The following TDRD5 variants were observed in gnomAD, a reference collection of about 807,000 sequenced individuals.
TDRD5 encodes the protein tudor domain containing 5.
Under a neutral mutation model 120.6 loss-of-function variants are expected in TDRD5, and 41 were observed. The observed-to-expected ratio is 0.34, with a 90% CI of 0.26 to 0.44. The LOEUF (loss-of-function observed/expected upper bound fraction) is 0.44, where lower values mean the gene tolerates loss of function less well. Ranked by LOEUF, TDRD5 falls within the 20% of genes least tolerant of loss-of-function variation. TDRD5 has a pLI of 1.00. For missense variants in TDRD5, 1,006 were observed against 1,221.2 expected (o/e 0.82, Z 2.63); for synonymous variants, 430 against 433.7 (o/e 0.99, Z 0.11).
chr1:179,624,098 C>CTAA (rs1381203047), intron 6 of TDRD5, among the ~76,000 whole-genome samples: 5 of 152,098 alleles, frequency 3.3e-5, no homozygotes, highest in Admixed American at 6.6e-5. Context: ...AGGGGTTTAT[C>CTAA]CTAAGAATGC....
At chr1:179,609,645 G>A (rs901048206) in intron 4 of TDRD5, among the ~76,000 whole-genome samples, 12 of 152,300 alleles carry the variant, frequency 7.9e-5, no homozygotes, top group Admixed American at 7.2e-4. Flanking sequence ...GTCCAGAACA[G>A]CCTTCAATCT....
chr1:179,668,837 G>C (rs1679699343), intron 16 of TDRD5, among the ~76,000 whole-genome samples: 1 of 147,430 alleles, frequency 6.8e-6, no homozygotes, highest in African/African-American at 2.5e-5. Context: ...GCGCCTCCCA[G>C]GTTCACGCCA....
At chr1:179,616,510 A>G (rs1213281667) in intron 4 of TDRD5, among the ~76,000 whole-genome samples, 1 of 152,108 alleles carries the variant, frequency 6.6e-6, no homozygotes, top group Non-Finnish European at 1.5e-5. Flanking sequence ...CTGTTGCCAG[A>G]TTACAGTTCT....
At chr1:179,668,463 C>T (rs771437709) in intron 16 of TDRD5, among the ~76,000 whole-genome samples, 1 of 152,184 alleles carries the variant, frequency 6.6e-6, no homozygotes, top group Non-Finnish European at 1.5e-5. Context: ...TCTGTAAAAG[C>T]ATTATGCTAA....
chr1:179,603,522 TG>T (rs1383958692), intron 4 of TDRD5, among the ~76,000 whole-genome samples: 1 of 152,228 alleles, frequency 6.6e-6, no homozygotes, highest in African/African-American at 2.4e-5. Flanking sequence ...TTGTCATAGA[TG>T]GCTTTTATTA....
At chr1:179,594,705 G>A (rs1019703388) in intron 3 of TDRD5, among the ~76,000 whole-genome samples, 1 of 152,282 alleles carries the variant, frequency 6.6e-6, no homozygotes, top group African/African-American at 2.4e-5. Flanking sequence ...ATTAACATAG[G>A]TGAACCAAGA....
At chr1:179,637,714 G>A (rs1348265503) in intron 9 of TDRD5, among the ~76,000 whole-genome samples, 3 of 68,094 alleles carry the variant, frequency 4.4e-5, no homozygotes, top group Non-Finnish European at 1.1e-4. Context: ...GGCCCTGTCT[G>A]GGGGAAAAAA....
intron 11 of TDRD5, among the ~76,000 whole-genome samples, chr1:179,644,148 C>A (rs545505217): frequency 6.6e-6 from 1 of 152,198 alleles, no homozygotes; most frequent in East Asian, 1.9e-4. Context: ...ACAACAAATA[C>A]TGAAGGAAGT....
At chr1:179,685,116 C>T (rs1454286990) in intron 17 of TDRD5, among the ~76,000 whole-genome samples, 1 of 152,156 alleles carries the variant, frequency 6.6e-6, no homozygotes, top group African/African-American at 2.4e-5. Context: ...GAAGTCCTTG[C>T]CCATGCCTAT....
At chr1:179,643,812 G>A (rs4652430) in intron 11 of TDRD5, among the ~76,000 whole-genome samples, 25,817 of 152,004 alleles carry the variant, frequency 0.17, 2,840 homozygotes, top group Non-Finnish European at 0.24. Context: ...CCACAGTGTG[G>A]TGAAAGAGGT....
intron 2 of TDRD5, 53 bp from the exon 3 acceptor site, chr1:179,593,407 A>T: frequency 6.5e-7 from 1 of 1,549,854 alleles, no homozygotes; most frequent in Non-Finnish European, 8.8e-7. Flanking sequence ...ACTAAGGATA[A>T]AGAAGGGAGT....
intron 10 of TDRD5, 38 bp from the exon 11 acceptor site, chr1:179,640,341 A>G: frequency 6.2e-7 from 1 of 1,609,218 alleles, no homozygotes; most frequent in African/African-American, 1.3e-5. Context: ...TATATATAGC[A>G]GGAAGATTGA....
chr1:179,671,699 T>A (rs1424745683), intron 17 of TDRD5, among the ~76,000 whole-genome samples: 2 of 152,190 alleles, frequency 1.3e-5, no homozygotes, highest in South Asian at 4.1e-4. Context: ...CCTGAGTGTA[T>A]ACACTGTACC....
intron 17 of TDRD5, among the ~76,000 whole-genome samples, chr1:179,687,856 G>A (rs1250375956): frequency 6.8e-6 from 1 of 146,462 alleles, no homozygotes; most frequent in East Asian, 2.0e-4. Flanking sequence ...TCAGAGACTA[G>A]GATTGCAACC....
intron 4 of TDRD5, among the ~76,000 whole-genome samples, chr1:179,605,960 A>G (rs1675956502): frequency 6.6e-6 from 1 of 152,082 alleles, no homozygotes; most frequent in Admixed American, 6.6e-5. Context: ...AATACTAAGG[A>G]GTACAGTTGC....
At chr1:179,649,110 G>C (rs1439031451) in intron 11 of TDRD5, among the ~76,000 whole-genome samples, 1 of 152,094 alleles carries the variant, frequency 6.6e-6, no homozygotes, top group Admixed American at 6.5e-5. Context: ...TCCTTTGAAG[G>C]TAGTGTCCTT....
At chr1:179,681,945 T>C (rs551549209) in intron 17 of TDRD5, among the ~76,000 whole-genome samples, 83 of 1,428 alleles carry the variant, frequency 0.058, 3 homozygotes, top group Middle Eastern at 0.33. Flanking sequence ...TTTCTTTTTT[T>C]TTTTTTTTTT....
At chr1:179,620,276 A>G (rs911944518) in intron 5 of TDRD5, among the ~76,000 whole-genome samples, 2 of 152,178 alleles carry the variant, frequency 1.3e-5, no homozygotes, top group Non-Finnish European at 2.9e-5. Flanking sequence ...TGTATAAAAT[A>G]TATCTGGAAA....
At chr1:179,611,677 G>T (rs536107218) in intron 4 of TDRD5, among the ~76,000 whole-genome samples, 2 of 152,252 alleles carry the variant, frequency 1.3e-5, no homozygotes, top group South Asian at 4.1e-4. Context: ...CCTTTTAACT[G>T]TGAGAGCCAG....
Sources: allele counts gnomAD v4.1 joint callset (sites outside exome capture counted in the v4.1 genomes callset), GRCh38; gene constraint gnomAD v4.1.1; transcripts MANE v1.5; gene names NCBI Gene and HGNC (gene_info 2026-07-23, HGNC 2026-07-21).